Variants in SPINK5 observed in about 807,000 individuals in gnomAD.
The protein encoded by SPINK5 is serine protease inhibitor Kazal-type 5.
In SPINK5, 125 loss-of-function variants were observed where a neutral mutation model predicts 151.8. The observed-to-expected ratio is 0.82, with a 90% CI of 0.71 to 0.96. SPINK5 has a LOEUF of 0.96. Among genes scored for constraint, SPINK5 ranks in the 40% least tolerant of loss-of-function variants. The pLI, the probability that SPINK5 is intolerant of heterozygous loss-of-function variation, is 0.00. For missense variants in SPINK5, 1,194 were observed against 1,291.9 expected (o/e 0.92, Z 1.16); for synonymous variants, 374 against 395.3 (o/e 0.95, Z 0.64).
intron 3 of SPINK5, 150 bp from the exon 4 acceptor site, chr5:148,071,998 G>T (rs1752751036): frequency 1.4e-6 from 1 of 697,510 alleles, no homozygotes; most frequent in Middle Eastern, 2.6e-4. Context: ...GAGATCTGGG[G>T]TTCTGTGTCC....
At chr5:148,110,300 G>C (rs550878652) in intron 18 of SPINK5, among the ~76,000 whole-genome samples, 2 of 152,186 alleles carry the variant, frequency 1.3e-5, no homozygotes, top group East Asian at 3.9e-4. Context: ...TCATTGTCCA[G>C]TGGGGTGTTC....
In SPINK5 at chr5:148,072,182, C is replaced by T; in HGVS notation, c.244C>T (p.His82Tyr). 6.2e-7 allele frequency: 1 copy of T among 1,612,374 alleles called. No individual in the cohort carries two copies. Among genetic ancestry groups the T allele is most frequent in the Non-Finnish European group, 8.5e-7 (1 of 1,178,792 alleles). Residue 82 changes from histidine to tyrosine, a missense_variant, in exon 4 of 33, where the codon CAT becomes TAT. Coordinates refer to ENST00000256084, the MANE Select transcript of SPINK5 (RefSeq NM_006846.4). Reference protein sequence around the residue: ...KEAKSQKRARHLARAPKATAP... With the variant: ...KEAKSQKRARYLARAPKATAP... ...AGCAAAATCACAGAAGAGGGCCAGG[C>T]ATTTAGCAAGAGCTCCCAAGGCTAC...
intron 32 of SPINK5, 127 bp from the exon 33 acceptor site, chr5:148,136,856 T>C: frequency 1.6e-6 from 2 of 1,228,442 alleles, no homozygotes; most frequent in East Asian, 2.3e-5. Context: ...TGATTTTAAA[T>C]TGCTACTTCT....
intron 31 of SPINK5, among the ~76,000 whole-genome samples, chr5:148,132,211 C>A (rs1463067606): frequency 6.6e-6 from 1 of 152,096 alleles, no homozygotes; most frequent in Non-Finnish European, 1.5e-5. Context: ...CTTCCCTTCT[C>A]CTGGCCACCA....
rs752777832 is a variant in SPINK5, at chr5:148,099,312, T to C, written c.1089T>C (p.Tyr363=). ...NKRESGKATS[Y]AELCSEYRKL... ...GAGAATCTGGAAAAGCAACCTCATA[T>C]GCAGTGAGTGGAATCCATCCAATAA... Residue 363 remains tyrosine (Y), a synonymous_variant, in exon 12 of 33, where the codon TAT becomes TAC. Coordinates refer to ENST00000256084, the MANE Select transcript of SPINK5 (RefSeq NM_006846.4). The C allele has an allele frequency of 1.9e-6, 3 of 1,611,952 alleles. No individual in the cohort carries two copies. Among genetic ancestry groups the C allele is most frequent in the East Asian group, 2.2e-5 (1 of 44,738 alleles).
intron 4 of SPINK5, among the ~76,000 whole-genome samples, chr5:148,083,626 T>C (rs1753079557): frequency 6.6e-6 from 1 of 151,602 alleles, no homozygotes; most frequent in African/African-American, 2.4e-5. Flanking sequence ...TCTCCAAATG[T>C]ATGTTAATCC....
intron 18 of SPINK5, among the ~76,000 whole-genome samples, chr5:148,109,060 TC>T (rs1554105238): frequency 6.8e-6 from 1 of 146,868 alleles, no homozygotes; most frequent in South Asian, 2.3e-4. Context: ...CACCATTTTC[TC>T]CCCTGATTGT....
At chr5:148,132,211 C>T (rs1463067606) in intron 31 of SPINK5, among the ~76,000 whole-genome samples, 1 of 152,096 alleles carries the variant, frequency 6.6e-6, no homozygotes, top group Non-Finnish European at 1.5e-5. Context: ...CTTCCCTTCT[C>T]CTGGCCACCA....
intron 26 of SPINK5, among the ~76,000 whole-genome samples, chr5:148,120,793 A>G (rs1249722937): frequency 6.6e-6 from 1 of 152,092 alleles, no homozygotes; most frequent in African/African-American, 2.4e-5. Flanking sequence ...AATTTTTTAA[A>G]CAAATAAATA....
intron 21 of SPINK5, among the ~76,000 whole-genome samples, chr5:148,115,302 T>G (rs1306579995): frequency 6.6e-6 from 1 of 152,194 alleles, no homozygotes. Context: ...CTTACCAACT[T>G]TATCAACCTT....
chr5:148,106,888 C>T (rs1004652900), intron 16 of SPINK5, 149 bp from the exon 17 acceptor site: 70 of 945,822 alleles, frequency 7.4e-5, no homozygotes, highest in African/African-American at 4.4e-4. Context: ...TGATTGATGA[C>T]GGAAGCTTTG....
rs746486936 is a variant in SPINK5 at position 148,116,401 on chromosome 5, G to C, written c.2047G>C (p.Glu683Gln). ...QKENEERKRKEEEDQRNAAGH... is the reference protein window; with the variant it reads ...QKENEERKRKQEEDQRNAAGH... ...AGAAAATGAGGAAAGAAAGAGGAAA[G>C]AAGAGGAAGATCAGAGAAATGCTGC... The change falls in exon 22 of 33, where the codon GAA becomes CAA. Residue 683 changes from glutamate to glutamine, a missense_variant. Coordinates refer to ENST00000256084, the MANE Select transcript of SPINK5 (RefSeq NM_006846.4). 10 of 1,614,046 alleles carry C rather than the reference G, an allele frequency of 6.2e-6. No individual in the cohort carries two copies. The Admixed American group carries it at 1.3e-4, about 22-fold the overall frequency.
At position 148,124,791 on chromosome 5, in the gene SPINK5, A is replaced by G. The variant is rs1185547204; in HGVS notation, c.2693A>G (p.Lys898Arg). 2 of 1,608,192 alleles carry G rather than the reference A, an allele frequency of 1.2e-6. No homozygotes were observed. The highest frequency in any genetic ancestry group is 2.2e-5 in the East Asian group (1 of 44,578). ...IFDREANERK[K>R]KDEEKSSSKP... ...GATCGAGAAGCTAATGAAAGAAAAA[A>G]GAAAGATGAAGAGAAATCAAGTAGC... Residue 898 changes from lysine (K) to arginine (R), a missense_variant, in exon 28 of 33, where the codon AAG becomes AGG. Physicochemically the swap from Lys to Arg is conservative, Grantham distance 26. Transcript: ENST00000256084.
chr5:148,097,889 A>G lies in SPINK5; in HGVS notation c.905A>G (p.Asn302Ser). 1 of 1,611,526 alleles carries G rather than the reference A, an allele frequency of 6.2e-7. No homozygotes were observed. The highest frequency in any genetic ancestry group is 8.5e-7 in the Non-Finnish European group (1 of 1,178,112). The change falls in exon 11 of 33, where the codon AAT becomes AGT. Residue 302 changes from asparagine (N) to serine (S), a missense_variant. By Grantham distance (46) the Asn-to-Ser change is conservative. Coordinates refer to ENST00000256084, the MANE Select transcript of SPINK5 (RefSeq NM_006846.4). ...CAGAAACTCTGCAGTCAATATCAAA[A>G]TCAGGCAAAGAATGGAATACTTTTC... is the stretch of plus-strand genomic sequence containing the variant. Reference protein sequence around the residue: ...EIVKLCSQYQNQAKNGILFCT... With the variant: ...EIVKLCSQYQSQAKNGILFCT...
At chr5:148,095,726 GAC>G in intron 9 of SPINK5, 90 bp from the exon 10 acceptor site, 2 of 1,111,894 alleles carry the variant, frequency 1.8e-6, no homozygotes, top group Non-Finnish European at 2.7e-6. Flanking sequence ...TAAAACTCAG[GAC>G]AACTTAGATA....
At chr5:148,088,499 T>C (rs373960413) in intron 5 of SPINK5, 43 bp from the exon 6 acceptor site, 183 of 1,573,718 alleles carry the variant, frequency 1.2e-4, no homozygotes, top group Non-Finnish European at 1.5e-4. Flanking sequence ...GGTGGGAAGT[T>C]CTGTGATATT....
At chr5:148,071,458 G>C (rs2127190864) in intron 3 of SPINK5, among the ~76,000 whole-genome samples, 1 of 152,138 alleles carries the variant, frequency 6.6e-6, no homozygotes, top group South Asian at 2.1e-4. Context: ...TTTTTTGAAA[G>C]CTGAATGTAA....
Position 148,089,051 on chromosome 5 carries a change from A to G in SPINK5, c.475-443A>G, listed in dbSNP as rs10038561. 306,821 of 460,304 alleles carry G rather than the reference A, an allele frequency of 0.67. 104,518 individuals carry two copies. Among genetic ancestry groups the G allele is most frequent in the African/African-American group, 0.8 (40,270 of 50,210 alleles). 28.5% of individuals were successfully genotyped at this position (460,304 alleles called of 1,614,324 possible). ...AGCCTGTGATGGTAGGGGAAGGGGAAGGAAGAAAGGATCTCATACATGTCA... is the reference window on the plus strand; with the variant it reads ...AGCCTGTGATGGTAGGGGAAGGGGAGGGAAGAAAGGATCTCATACATGTCA... On this transcript the variant is annotated intron_variant, in intron 6 of 32. Transcript: ENST00000256084.
chr5:148,119,134 G>A (rs1198912110), intron 24 of SPINK5, 76 bp downstream of exon 24: 26 of 1,402,918 alleles, frequency 1.9e-5, no homozygotes, highest in Non-Finnish European at 2.6e-5. Flanking sequence ...TATAGAAGAA[G>A]GTGTCAACAT....
Sources: allele counts gnomAD v4.1 joint callset (sites outside exome capture counted in the v4.1 genomes callset), GRCh38; gene constraint gnomAD v4.1.1; transcripts MANE v1.5; gene names NCBI Gene and HGNC (gene_info 2026-07-23, HGNC 2026-07-21).